Variants in TMCC3 observed in about 807,000 individuals in gnomAD.
TMCC3 encodes transmembrane and coiled-coil domain protein 3.
In TMCC3, 28 loss-of-function variants were observed where a neutral mutation model predicts 40.2. The ratio of observed to expected loss-of-function variants is 0.70; its 90% CI spans 0.52 to 0.95. TMCC3 has a LOEUF of 0.95. Ranked by LOEUF, TMCC3 falls within the 40% of genes least tolerant of loss-of-function variation. TMCC3 has a pLI of 0.00. For missense variants in TMCC3, 554 were observed against 615.2 expected, an observed-to-expected ratio of 0.90 and a Z score of 1.05; for synonymous variants, 255 against 248.5, an observed-to-expected ratio of 1.03 and a Z score of -0.25.
chr12:94,644,697 T>C (rs1398031146), intron 1 of TMCC3, among the ~76,000 whole-genome samples: 1 of 152,202 alleles, frequency 6.6e-6, no homozygotes, highest in Non-Finnish European at 1.5e-5. Context: ...AAACGATATC[T>C]GTGTACTACT....
chr12:94,616,093 T>C, intron 1 of TMCC3: 6 of 985,416 alleles, frequency 6.1e-6, no homozygotes, highest in Non-Finnish European at 7.2e-6. Flanking sequence ...GGGGTATTCC[T>C]GTGTTTGTCT....
intron 3 of TMCC3, among the ~76,000 whole-genome samples, chr12:94,573,196 C>T (rs868748513): frequency 4.7e-5 from 7 of 149,218 alleles, no homozygotes; most frequent in South Asian, 4.3e-4. Context: ...AGAAGCCTAA[C>T]GGGCATACCC....
At chr12:94,630,929 A>G (rs1169890270) in intron 1 of TMCC3, among the ~76,000 whole-genome samples, 1 of 152,096 alleles carries the variant, frequency 6.6e-6, no homozygotes, top group African/African-American at 2.4e-5. Context: ...GGGTTTCACC[A>G]TACTGGCCAG....
At position 94,604,929 on chromosome 12, in the gene TMCC3, G is replaced by T. The variant is rs2068774506; in HGVS notation, c.79-22391C>A. On this transcript the variant is annotated intron_variant, in intron 1 of 3. Coordinates refer to ENST00000261226, the MANE Select transcript of TMCC3 (RefSeq NM_020698.4). ...TGACTTAGAGGCAGCTCAAAAATCT[G>T]CTGAGAGCCTAGCAAGGAGCACATT... Among the ~76,000 whole-genome samples the T allele has an allele frequency of 2.0e-5, 3 of 152,000 alleles. No individual in the cohort carries two copies. The South Asian group carries it at 6.2e-4, about 32-fold the overall frequency.
chr12:94,589,613 G>C (rs1486966297), intron 1 of TMCC3, among the ~76,000 whole-genome samples: 1 of 152,200 alleles, frequency 6.6e-6, no homozygotes. Context: ...TCACAGAGAA[G>C]TTAAGTAAAT....
intron 1 of TMCC3, among the ~76,000 whole-genome samples, chr12:94,621,040 C>T (rs1007456756): frequency 6.6e-6 from 1 of 152,208 alleles, no homozygotes; most frequent in African/African-American, 2.4e-5. Context: ...ATGAAGGACA[C>T]ATTGAATCTT....
intron 1 of TMCC3, among the ~76,000 whole-genome samples, chr12:94,589,608 G>A (rs1189618979): frequency 1.3e-5 from 2 of 152,192 alleles, no homozygotes; most frequent in Admixed American, 1.3e-4. Flanking sequence ...ACTAGTCACA[G>A]AGAAGTTAAG....
At chr12:94,572,297 C>T (rs1057006921) in intron 3 of TMCC3, among the ~76,000 whole-genome samples, 20 of 137,210 alleles carry the variant, frequency 1.5e-4, no homozygotes, top group African/African-American at 4.7e-4. Flanking sequence ...CATGCCCAGC[C>T]GACTTCATCT....
chr12:94,605,287 G>C (rs1237078380), intron 1 of TMCC3, among the ~76,000 whole-genome samples: 2 of 152,038 alleles, frequency 1.3e-5, no homozygotes, highest in African/African-American at 4.8e-5. Context: ...AGAAAAGGAG[G>C]CTTATCTTAA....
chr12:94,578,033 C>A (rs1453414628), intron 3 of TMCC3, among the ~76,000 whole-genome samples: 6 of 150,374 alleles, frequency 4.0e-5, no homozygotes, highest in African/African-American at 1.5e-4. Flanking sequence ...CCTATAGCCC[C>A]AGCTACTCAG....
intron 1 of TMCC3, chr12:94,613,895 C>T (rs980925455): frequency 6.6e-6 from 1 of 151,992 alleles, no homozygotes; most frequent in African/African-American, 2.4e-5. Flanking sequence ...GAGATCGAGA[C>T]CATCCTGGCT....
chr12:94,576,810 C>T (rs1294832935), intron 3 of TMCC3, among the ~76,000 whole-genome samples: 1 of 152,064 alleles, frequency 6.6e-6, no homozygotes, highest in Non-Finnish European at 1.5e-5. Flanking sequence ...AATCAAGGAG[C>T]CTGGGGTTGT....
At chr12:94,586,537 T>C (rs1475788717) in intron 1 of TMCC3, among the ~76,000 whole-genome samples, 1 of 152,242 alleles carries the variant, frequency 6.6e-6, no homozygotes, top group African/African-American at 2.4e-5. Flanking sequence ...TAAGACGAGA[T>C]GAAGTTATTT....
At chr12:94,586,617 T>C (rs1305898342) in intron 1 of TMCC3, among the ~76,000 whole-genome samples, 1 of 151,154 alleles carries the variant, frequency 6.6e-6, no homozygotes, top group African/African-American at 2.5e-5. Context: ...TTTCATATTT[T>C]ACCTTACCAA....
chr12:94,627,592 C>T (rs757575711), intron 1 of TMCC3, among the ~76,000 whole-genome samples: 1 of 152,212 alleles, frequency 6.6e-6, no homozygotes, highest in Non-Finnish European at 1.5e-5. Flanking sequence ...CTTGCTGTGC[C>T]TCAAACACAA....
At chr12:94,647,370 C>T (rs899066708) in intron 1 of TMCC3, among the ~76,000 whole-genome samples, 21 of 152,158 alleles carry the variant, frequency 1.4e-4, no homozygotes, top group Admixed American at 1.4e-3. Context: ...TTATTCCAGT[C>T]TCAAAGGCTG....
Position 94,570,950 on chromosome 12 carries a change from G to T in TMCC3, c.*485C>A. ...CCTATGGTCCCCTGGAGAGAAGCAG[G>T]GTGGATCACACGGGGACCATAGGCC... On this transcript the variant is annotated 3_prime_UTR_variant, in exon 4 of 4. Coordinates refer to ENST00000261226, the MANE Select transcript of TMCC3 (RefSeq NM_020698.4). 2 of 166,564 alleles carry T rather than the reference G, an allele frequency of 1.2e-5. No homozygotes were observed. Among genetic ancestry groups the T allele is most frequent in the East Asian group, 1.6e-4 (1 of 6,078 alleles). The allele number at this position is 166,564 out of a possible 1,614,324, so 10.3% of individuals were successfully genotyped here. A position where few individuals can be genotyped will look rare whatever the true frequency, so the allele number is the denominator to read the frequency against.
chr12:94,600,190 T>C (rs2068744144), intron 1 of TMCC3, among the ~76,000 whole-genome samples: 1 of 152,062 alleles, frequency 6.6e-6, no homozygotes, highest in African/African-American at 2.4e-5. Context: ...AATTATTTTA[T>C]TGATGTTCTC....
At chr12:94,640,347 C>G (rs747994211) in intron 1 of TMCC3, among the ~76,000 whole-genome samples, 1 of 152,132 alleles carries the variant, frequency 6.6e-6, no homozygotes, top group Non-Finnish European at 1.5e-5. Context: ...CCAAGTCCAG[C>G]TAATTTTTGT....
Sources: gnomAD v4.1 joint callset for allele counts (sites outside exome capture counted in the v4.1 genomes callset) on GRCh38, gnomAD v4.1.1 for gene constraint, MANE v1.5 for transcripts, NCBI Gene and HGNC (gene_info 2026-07-23, HGNC 2026-07-21) for gene names.